The following ASIC2 variants were observed in gnomAD, a reference collection of about 807,000 sequenced individuals.
The protein encoded by ASIC2 is acid-sensing ion channel 2.
In ASIC2, 25 loss-of-function variants were observed where a neutral mutation model predicts 57.3. The ratio of observed to expected loss-of-function variants is 0.44; its 90% CI spans 0.32 to 0.61. The LOEUF (loss-of-function observed/expected upper bound fraction) is 0.61, where lower values mean the gene tolerates loss of function less well. Among genes scored for constraint, ASIC2 ranks in the 20% least tolerant of loss-of-function variants. The pLI is 0.06. For synonymous variants in ASIC2, 319 were observed against 307.5 expected (o/e 1.04, Z -0.39); for missense variants, 641 against 738.1 (o/e 0.87, Z 1.52).
intron 1 of ASIC2, among the ~76,000 whole-genome samples, chr17:33,453,044 C>T (rs1466225960): frequency 6.6e-6 from 1 of 152,212 alleles, no homozygotes; most frequent in Admixed American, 6.5e-5. Context: ...CCCTTTCAAA[C>T]AGCCTCTCCG....
chr17:33,893,150 G>T (rs1164246604), intron 1 of ASIC2, among the ~76,000 whole-genome samples: 4 of 152,208 alleles, frequency 2.6e-5, no homozygotes, highest in African/African-American at 7.2e-5. Flanking sequence ...GTACCCAGGA[G>T]ACCAAGTTCC....
At chr17:33,643,249 T>C (rs1301190254) in intron 1 of ASIC2, among the ~76,000 whole-genome samples, 2 of 152,066 alleles carry the variant, frequency 1.3e-5, no homozygotes. Context: ...GGGTGATACA[T>C]AAAATTTTGC....
Position 33,811,314 on chromosome 17 carries a change from C to T in ASIC2, c.555+344664G>A, listed in dbSNP as rs541753101. Among the ~76,000 whole-genome samples the T allele has an allele frequency of 3.3e-5, 5 of 152,342 alleles. No homozygotes were observed. The East Asian group carries it at 7.7e-4, about 24-fold the overall frequency. ...ACTTGATCCAGGCAGACTGCAAAGG[C>T]TCCCACGGGAGAAGATCAGACAAAA... On this transcript the variant is annotated intron_variant, in intron 1 of 9. Transcript: ENST00000359872.
chr17:34,011,020 A>C (rs947318711), intron 1 of ASIC2, among the ~76,000 whole-genome samples: 1 of 3,294 alleles, frequency 3.0e-4, no homozygotes. Context: ...ACAGATGCCA[A>C]AGTCAGACAC....
intron 1 of ASIC2, among the ~76,000 whole-genome samples, chr17:33,785,711 G>C (rs796428617): frequency 2.0e-5 from 3 of 152,252 alleles, no homozygotes; most frequent in African/African-American, 7.2e-5. Flanking sequence ...GAAATGAAAT[G>C]GTCAAATGGT....
intron 1 of ASIC2, among the ~76,000 whole-genome samples, chr17:33,330,698 C>T (rs183397177): frequency 7.2e-5 from 11 of 152,182 alleles, no homozygotes; most frequent in Admixed American, 4.6e-4. Context: ...GCTCTTGCTG[C>T]TTCTAGTCCT....
intron 3 of ASIC2, among the ~76,000 whole-genome samples, chr17:33,051,144 T>C (rs780546135): frequency 2.0e-5 from 3 of 152,180 alleles, no homozygotes; most frequent in African/African-American, 4.8e-5. Context: ...GAGATTTCTG[T>C]ATGTCTCAGG....
chr17:33,410,813 A>G (rs1910633543), intron 1 of ASIC2, among the ~76,000 whole-genome samples: 2 of 152,116 alleles, frequency 1.3e-5, no homozygotes, highest in South Asian at 4.1e-4. Flanking sequence ...TTTCCTCTGT[A>G]GCTCTTTGTG....
At chr17:33,574,138 C>A (rs1378057387) in intron 1 of ASIC2, among the ~76,000 whole-genome samples, 1 of 152,232 alleles carries the variant, frequency 6.6e-6, no homozygotes, top group Non-Finnish European at 1.5e-5. Context: ...TAATACCGAA[C>A]TGCTCTTCAA....
At chr17:33,667,213 C>T (rs12951386) in intron 1 of ASIC2, among the ~76,000 whole-genome samples, 19,564 of 152,168 alleles carry the variant, frequency 0.13, 1,921 homozygotes, top group African/African-American at 0.27. Context: ...AATTCTACCA[C>T]GCCCTCGCCA....
At chr17:33,691,430 CAT>C (rs1273445631) in intron 1 of ASIC2, among the ~76,000 whole-genome samples, 8 of 152,150 alleles carry the variant, frequency 5.3e-5, no homozygotes, top group African/African-American at 1.7e-4. Context: ...ATAGGAAAAA[CAT>C]AGTATTTATT....
intron 1 of ASIC2, among the ~76,000 whole-genome samples, chr17:34,018,538 C>T (rs1907046125): frequency 6.6e-6 from 1 of 152,100 alleles, no homozygotes; most frequent in Non-Finnish European, 1.5e-5. Context: ...ATTAGTGATT[C>T]CTCTCATGAA....
At chr17:34,012,439 T>C (rs906024454) in intron 1 of ASIC2, among the ~76,000 whole-genome samples, 5 of 152,214 alleles carry the variant, frequency 3.3e-5, no homozygotes, top group Non-Finnish European at 7.3e-5. Flanking sequence ...TTCATGCGGT[T>C]GCACATCCCA....
intron 3 of ASIC2, among the ~76,000 whole-genome samples, chr17:33,063,484 T>C (rs2092029386): frequency 6.6e-6 from 1 of 152,128 alleles, no homozygotes; most frequent in Non-Finnish European, 1.5e-5. Context: ...ATGTTGAATA[T>C]TGGCCCCCCC....
intron 1 of ASIC2, among the ~76,000 whole-genome samples, chr17:33,201,325 A>G (rs1430146009): frequency 2.0e-5 from 3 of 152,144 alleles, no homozygotes. Context: ...TCTTCAGGGG[A>G]GAAGCCAACT....
At chr17:33,131,130 C>T (rs1323100341) in intron 1 of ASIC2, among the ~76,000 whole-genome samples, 1 of 152,158 alleles carries the variant, frequency 6.6e-6, no homozygotes. Context: ...GAGACGAGCC[C>T]ATGCAAAGAC....
At chr17:34,033,626 T>C (rs1303619623) in intron 1 of ASIC2, among the ~76,000 whole-genome samples, 2 of 151,882 alleles carry the variant, frequency 1.3e-5, no homozygotes, top group South Asian at 4.2e-4. Context: ...GCAAGACTAA[T>C]AAAGAAGAAA....
chr17:33,953,076 C>T (rs1270561454), intron 1 of ASIC2, among the ~76,000 whole-genome samples: 1 of 151,834 alleles, frequency 6.6e-6, no homozygotes, highest in Non-Finnish European at 1.5e-5. Flanking sequence ...TTATGACATA[C>T]ACAAATATTA....
At chr17:33,140,612 C>T (rs1449786423) in intron 1 of ASIC2, among the ~76,000 whole-genome samples, 1 of 152,194 alleles carries the variant, frequency 6.6e-6, no homozygotes, top group Non-Finnish European at 1.5e-5. Flanking sequence ...CAGAGACCTG[C>T]TGTGTTTGTT....
Sources: gnomAD v4.1 joint callset for allele counts (sites outside exome capture counted in the v4.1 genomes callset) on GRCh38, gnomAD v4.1.1 for gene constraint, MANE v1.5 for transcripts, NCBI Gene and HGNC (gene_info 2026-07-23, HGNC 2026-07-21) for gene names.